Variants in SLC24A2 observed in about 807,000 individuals in gnomAD.
SLC24A2 encodes the protein sodium/potassium/calcium exchanger 2.
In SLC24A2, 36 loss-of-function variants were observed where a neutral mutation model predicts 62.0. The ratio of observed to expected loss-of-function variants is 0.58; its 90% CI spans 0.44 to 0.77. The LOEUF (loss-of-function observed/expected upper bound fraction) is 0.77, where lower values mean the gene tolerates loss of function less well. Among genes scored for constraint, SLC24A2 ranks in the 30% least tolerant of loss-of-function variants. SLC24A2 has a pLI of 0.00. For missense variants in SLC24A2, 846 were observed against 817.9 expected (o/e 1.03, Z -0.42); for synonymous variants, 358 against 294.0 (o/e 1.22, Z -2.23).
At chr9:19,582,978 C>T (rs1318715358) in intron 5 of SLC24A2, among the ~76,000 whole-genome samples, 1 of 152,128 alleles carries the variant, frequency 6.6e-6, no homozygotes, top group Non-Finnish European at 1.5e-5. Context: ...GAGTCTCCCC[C>T]TTCTACCCTC....
At chr9:19,551,847 T>C (rs909034223) in intron 7 of SLC24A2, among the ~76,000 whole-genome samples, 6 of 152,294 alleles carry the variant, frequency 3.9e-5, no homozygotes, top group East Asian at 1.9e-4. Context: ...TAGTGTTTTA[T>C]ACAATCTCTT....
At chr9:20,021,725 G>T in the SLC24A2 span, among the ~76,000 whole-genome samples, 1 of 151,816 alleles carries the variant, frequency 6.6e-6, no homozygotes, top group Non-Finnish European at 1.5e-5. Context: ...CTTCAGCTCA[G>T]ATTTCTCTCT....
chr9:19,814,869 G>A, the SLC24A2 span, among the ~76,000 whole-genome samples: 5 of 152,010 alleles, frequency 3.3e-5, no homozygotes, highest in African/African-American at 4.8e-5. Flanking sequence ...CTAACAGAAA[G>A]GTAAAAAATT....
In SLC24A2 at chr9:19,640,313, T is replaced by G. The variant is rs560959916; in HGVS notation, c.931-18014A>C. Among the ~76,000 whole-genome samples, 11 of 152,364 alleles carry G rather than the reference T, an allele frequency of 7.2e-5. No individual in the cohort carries two copies. The South Asian group carries it at 2.3e-3, about 32-fold the overall frequency. On this transcript the variant is annotated intron_variant, in intron 2 of 10. Transcript: ENST00000341998. ...AGAGCAGATTCATTTGGAAAATAAG[T>G]TGAATCTTTATCTTTTCAGATATTA...
chr9:20,087,485 T>A, the SLC24A2 span, among the ~76,000 whole-genome samples: 2 of 152,274 alleles, frequency 1.3e-5, no homozygotes, highest in South Asian at 4.1e-4. Flanking sequence ...AAGAAATAAT[T>A]TGTGTAAATC....
chr9:20,076,448 G>C, the SLC24A2 span, among the ~76,000 whole-genome samples: 1 of 152,104 alleles, frequency 6.6e-6, no homozygotes, highest in African/African-American at 2.4e-5. Flanking sequence ...TGTGACAATG[G>C]AGGCAGGGAT....
At chr9:20,150,727 A>G in the SLC24A2 span, among the ~76,000 whole-genome samples, 2 of 151,936 alleles carry the variant, frequency 1.3e-5, no homozygotes, top group South Asian at 4.1e-4. Context: ...AGTAAAAATT[A>G]TGGCATATTC....
chr9:20,253,737 C>A, the SLC24A2 span, among the ~76,000 whole-genome samples: 1 of 152,174 alleles, frequency 6.6e-6, no homozygotes, highest in African/African-American at 2.4e-5. Context: ...GAGAGATTAA[C>A]TGGATTCTTT....
At chr9:19,844,126 AT>A in the SLC24A2 span, among the ~76,000 whole-genome samples, 2 of 152,158 alleles carry the variant, frequency 1.3e-5, no homozygotes, top group African/African-American at 4.8e-5. Flanking sequence ...GGCTTAATTA[AT>A]TTACATTGCC....
the SLC24A2 span, among the ~76,000 whole-genome samples, chr9:20,101,227 G>A: frequency 3.9e-5 from 6 of 152,210 alleles, no homozygotes; most frequent in Admixed American, 6.5e-5. Context: ...GGTCGGCAAC[G>A]ATGCCCTGGG....
chr9:19,739,514 A>T (rs908669026), intron 2 of SLC24A2, among the ~76,000 whole-genome samples: 1 of 152,166 alleles, frequency 6.6e-6, no homozygotes, highest in Non-Finnish European at 1.5e-5. Context: ...ACAAACTCAT[A>T]CTTATACCAT....
intron 2 of SLC24A2, among the ~76,000 whole-genome samples, chr9:19,671,895 G>T (rs1237784055): frequency 6.8e-6 from 1 of 146,112 alleles, no homozygotes; most frequent in African/African-American, 2.7e-5. Flanking sequence ...TGCATCCCTG[G>T]TATGAAACCC....
the SLC24A2 span, among the ~76,000 whole-genome samples, chr9:20,039,673 A>C: frequency 6.6e-6 from 1 of 152,204 alleles, no homozygotes; most frequent in South Asian, 2.1e-4. Flanking sequence ...CCACTGCTGG[A>C]AACTTGGAGG....
intron 2 of SLC24A2, among the ~76,000 whole-genome samples, chr9:19,761,845 T>C (rs1306631607): frequency 2.0e-5 from 3 of 152,198 alleles, no homozygotes; most frequent in Non-Finnish European, 1.5e-5. Flanking sequence ...TATTCCGTGG[T>C]GTATATGTGC....
the SLC24A2 span, among the ~76,000 whole-genome samples, chr9:20,010,977 T>C: frequency 6.6e-6 from 1 of 152,144 alleles, no homozygotes; most frequent in Non-Finnish European, 1.5e-5. Context: ...CCATGGTGTA[T>C]ATGTGCCACA....
the SLC24A2 span, among the ~76,000 whole-genome samples, chr9:19,867,717 G>A: frequency 6.6e-6 from 1 of 152,086 alleles, no homozygotes; most frequent in Non-Finnish European, 1.5e-5. Flanking sequence ...AGACCATCCT[G>A]GCTAACATGG....
chr9:20,219,480 A>G, the SLC24A2 span, among the ~76,000 whole-genome samples: 1 of 152,188 alleles, frequency 6.6e-6, no homozygotes, highest in Non-Finnish European at 1.5e-5. Flanking sequence ...CCAATCTTGG[A>G]GATTATAATA....
chr9:19,820,531 TTAAAAAA>T, the SLC24A2 span, among the ~76,000 whole-genome samples: 6 of 151,072 alleles, frequency 4.0e-5, no homozygotes, highest in Admixed American at 3.3e-4. Flanking sequence ...ATAAAAAGTT[TTAAAAAA>T]TAAAAAATAA....
rs187396796 is a variant in SLC24A2 at position 19,514,480 on chromosome 9, A to G, written c.*1673T>C. Reference sequence around the variant, plus strand: ...GACTTGGAGAAAAGAAAAGTGCTCTACATAGTTTTCCATTGATTCAGTTTG... The same window carrying G: ...GACTTGGAGAAAAGAAAAGTGCTCTGCATAGTTTTCCATTGATTCAGTTTG... On this transcript the variant is annotated 3_prime_UTR_variant, in exon 11 of 11. Transcript: ENST00000341998. 310 of 152,312 alleles carry G rather than the reference A, an allele frequency of 2.0e-3. 1 individual carries two copies. The highest frequency in any genetic ancestry group is 7.2e-3 in the African/African-American group (301 of 41,566). The allele number at this position is 152,312 out of a possible 1,614,324, so 9.4% of individuals were successfully genotyped here. A position where few individuals can be genotyped will look rare whatever the true frequency, so the allele number is the denominator to read the frequency against.
Sources: allele counts gnomAD v4.1 joint callset (sites outside exome capture counted in the v4.1 genomes callset), GRCh38; gene constraint gnomAD v4.1.1; transcripts MANE v1.5; gene names NCBI Gene and HGNC (gene_info 2026-07-23, HGNC 2026-07-21).